VPS13B: variants seen among roughly 807,000 people sequenced by gnomAD.
VPS13B encodes the protein intermembrane lipid transfer protein VPS13B.
Under a neutral mutation model 426.4 loss-of-function variants are expected in VPS13B, and 285 were observed. The ratio of observed to expected loss-of-function variants is 0.67; its 90% confidence interval spans 0.61 to 0.74. The LOEUF (loss-of-function observed/expected upper bound fraction) is 0.74. Ranked by LOEUF, VPS13B falls within the 30% of genes least tolerant of loss-of-function variation. The probability of loss-of-function intolerance (pLI) is 0.00; values close to 1 mark genes in which losing one functional copy is unlikely to be tolerated. For missense variants in VPS13B, 4,537 were observed against 4,782.6 expected, an observed-to-expected ratio of 0.95 and a Z score of 1.51; for synonymous variants, 1,676 against 1,676.4, an observed-to-expected ratio of 1.00 and a Z score of 0.01.
intron 17 of VPS13B, among the ~76,000 whole-genome samples, chr8:99,198,879 A>G (rs1025103941): frequency 6.6e-6 from 1 of 150,572 alleles, no homozygotes; most frequent in Non-Finnish European, 1.5e-5. Context: ...TGTGCTTTGT[A>G]TTCTTATGGA....
At chr8:99,071,811 C>T (rs1844867170) in intron 3 of VPS13B, among the ~76,000 whole-genome samples, 1 of 152,144 alleles carries the variant, frequency 6.6e-6, no homozygotes. Context: ...CCCACTGTTT[C>T]CTCTCCTTTT....
At chr8:99,120,994 A>C (rs1448440880) in intron 7 of VPS13B, among the ~76,000 whole-genome samples, 183 bp from the exon 8 acceptor site, 1 of 152,222 alleles carries the variant, frequency 6.6e-6, no homozygotes, top group African/African-American at 2.4e-5. Context: ...ATACGGTACA[A>C]CATACAGAAA....
chr8:99,273,239 A>C (rs1478104563), intron 17 of VPS13B, among the ~76,000 whole-genome samples: 1 of 150,316 alleles, frequency 6.7e-6, no homozygotes, highest in Non-Finnish European at 1.5e-5. Context: ...GCTCACTGCA[A>C]CCTCTGCCTC....
At chr8:99,816,290 C>T (rs887672594) in intron 44 of VPS13B, among the ~76,000 whole-genome samples, 1 of 151,992 alleles carries the variant, frequency 6.6e-6, no homozygotes, top group Admixed American at 6.6e-5. Flanking sequence ...TTAGTAGAGA[C>T]AGGGTTTCTC....
At chr8:99,854,638 G>A (rs1217857443) in intron 56 of VPS13B, among the ~76,000 whole-genome samples, 3 of 132,822 alleles carry the variant, frequency 2.3e-5, no homozygotes, top group Non-Finnish European at 4.8e-5. Flanking sequence ...CAACTTGCAG[G>A]CACAGAGCCC....
At chr8:99,407,588 C>T (rs1815397407) in intron 21 of VPS13B, among the ~76,000 whole-genome samples, 1 of 151,994 alleles carries the variant, frequency 6.6e-6, no homozygotes, top group African/African-American at 2.4e-5. Flanking sequence ...TTCCATAGCT[C>T]ATAAGTCTTG....
intron 22 of VPS13B, among the ~76,000 whole-genome samples, chr8:99,432,385 C>T (rs1817160681): frequency 1.3e-5 from 2 of 151,992 alleles, no homozygotes; most frequent in Admixed American, 6.6e-5. Flanking sequence ...TTGTTCCCAC[C>T]TTACTATGAG....
intron 3 of VPS13B, among the ~76,000 whole-genome samples, chr8:99,073,579 C>T (rs1487047848): frequency 6.6e-6 from 1 of 151,624 alleles, no homozygotes; most frequent in Non-Finnish European, 1.5e-5. Context: ...ATTTTGTATC[C>T]TGCACTGAAT....
intron 24 of VPS13B, among the ~76,000 whole-genome samples, chr8:99,472,203 T>C (rs1176959481): frequency 6.6e-6 from 1 of 152,012 alleles, no homozygotes. Flanking sequence ...AACAACTGGA[T>C]TAAAAATAAA....
Position 99,848,815 on chromosome 8 carries a change from G to A in VPS13B, c.9982G>A (p.Val3328Ile). The A allele has an allele frequency of 4.3e-6, 7 of 1,614,136 alleles. No individual in the cohort carries two copies. The highest frequency in any genetic ancestry group is 5.1e-6 in the Non-Finnish European group (6 of 1,180,002). The change falls in exon 55 of 62, where the codon GTT becomes ATT. Residue 3328 changes from valine to isoleucine, a missense_variant. By Grantham distance (29) the Val-to-Ile change is conservative. Transcript: ENST00000357162. ...TGGCTTTGGCTATGTGTATGTGGAT[G>A]TTGTACATCAGTGTGGCACAGTCTT... ...LTGFGYVYVD[V>I]VHQCGTVFIT... is the part of the protein sequence containing the mutation.
At chr8:99,110,394 T>C (rs1847298078) in intron 5 of VPS13B, among the ~76,000 whole-genome samples, 1 of 152,098 alleles carries the variant, frequency 6.6e-6, no homozygotes. Context: ...CCATCAATTG[T>C]TTTATTTTTA....
chr8:99,404,961 C>T (rs1436123700), intron 21 of VPS13B, among the ~76,000 whole-genome samples: 1 of 152,192 alleles, frequency 6.6e-6, no homozygotes, highest in African/African-American at 2.4e-5. Context: ...AAGCTGTAGA[C>T]TTCAAGCATG....
intron 43 of VPS13B, among the ~76,000 whole-genome samples, chr8:99,794,301 A>C (rs1812698128): frequency 6.6e-6 from 1 of 152,212 alleles, no homozygotes; most frequent in Admixed American, 6.5e-5. Context: ...ATAAGTGAGC[A>C]TTCCCAAGGA....
At position 99,273,506 on chromosome 8, in the gene VPS13B, C is replaced by T. The variant is rs559448834; in HGVS notation, c.2516-692C>T. ...TATGTTTAAATGTCTCCACCTAGGC[C>T]GGGCCTGGTGGTGCACGCCTGTAAT... On this transcript the variant is annotated intron_variant, in intron 17 of 61. Transcript: ENST00000357162. Among the ~76,000 whole-genome samples, 8 of 152,028 alleles carry T rather than the reference C, an allele frequency of 5.3e-5. No homozygotes were observed. In the South Asian group the frequency reaches 6.2e-4, roughly 12 times the overall value.
In VPS13B at chr8:99,717,234, A is replaced by G. The variant is rs1832962056; in HGVS notation, c.6518A>G (p.Lys2173Arg). The G allele has an allele frequency of 1.2e-6, 2 of 1,614,046 alleles. No individual in the cohort carries two copies. The highest frequency in any genetic ancestry group is 1.7e-6 in the Non-Finnish European group (2 of 1,179,980). ...INDFLLKTSL[K>R]ERSRILIGPC... ...GATTTTCTCCTTAAAACAAGTCTCAAAGAAAGAAGCCGCATTCTGATAGGA... is the reference window on the plus strand; with the variant it reads ...GATTTTCTCCTTAAAACAAGTCTCAGAGAAAGAAGCCGCATTCTGATAGGA... Residue 2173 changes from lysine (K) to arginine (R), a missense_variant, in exon 37 of 62, where the codon AAA becomes AGA. By Grantham distance (26) the Lys-to-Arg change is conservative. Around this residue, in one of 2 missense-constraint regions of VPS13B, gnomAD observed 4,311 missense variants for 4,474.3 expected, o/e 0.96. Transcript: ENST00000357162.
At chr8:99,067,070 T>G (rs1269584303) in intron 3 of VPS13B, among the ~76,000 whole-genome samples, 1 of 152,176 alleles carries the variant, frequency 6.6e-6, no homozygotes, top group Non-Finnish European at 1.5e-5. Context: ...TCAACCATTG[T>G]GGAAGACAGT....
chr8:99,797,941 C>T (rs1812935560), intron 43 of VPS13B, among the ~76,000 whole-genome samples: 1 of 152,064 alleles, frequency 6.6e-6, no homozygotes, highest in African/African-American at 2.4e-5. Flanking sequence ...ACAGTATCAC[C>T]CTTATTGTTG....
chr8:99,416,712 C>T (rs1017283918), intron 21 of VPS13B, among the ~76,000 whole-genome samples: 3 of 152,088 alleles, frequency 2.0e-5, no homozygotes, highest in Admixed American at 6.6e-5. Flanking sequence ...GAGGCGATGC[C>T]CCACCTTGCT....
chr8:99,452,736 A>G (rs1169419829), intron 23 of VPS13B, among the ~76,000 whole-genome samples: 2 of 152,218 alleles, frequency 1.3e-5, no homozygotes, highest in African/African-American at 4.8e-5. Context: ...GGCTCTGTCT[A>G]TGCTGAACTT....
Sources: gnomAD v4.1 joint callset for allele counts (sites outside exome capture counted in the v4.1 genomes callset) on GRCh38, gnomAD v4.1.1 for gene constraint, gnomAD v4.1.1 regional missense constraint, MANE v1.5 for transcripts, NCBI Gene and HGNC (gene_info 2026-07-23, HGNC 2026-07-21) for gene names.